The following CFAP299 variants were observed in gnomAD, a reference collection of about 807,000 sequenced individuals.
CFAP299 encodes cilia and flagella associated protein 299, also known as cilia- and flagella-associated protein 299.
Under a neutral mutation model 27.0 loss-of-function variants are expected in CFAP299, and 21 were observed. The ratio of observed to expected loss-of-function variants is 0.78; its 90% CI spans 0.55 to 1.12. The LOEUF (loss-of-function observed/expected upper bound fraction) is 1.12. Among genes scored for constraint, CFAP299 ranks in the 50% most tolerant of loss-of-function variants. CFAP299 has a pLI of 0.00. For missense variants in CFAP299, 310 were observed against 276.6 expected (o/e 1.12, Z -0.86); for synonymous variants, 104 against 98.1 (o/e 1.06, Z -0.36).
chr4:80,676,678 C>T (rs1026339430), intron 3 of CFAP299, among the ~76,000 whole-genome samples: 24 of 151,926 alleles, frequency 1.6e-4, no homozygotes, highest in Admixed American at 2.0e-4. Flanking sequence ...GATTCAATCT[C>T]GGTAGGTTTT....
intron 3 of CFAP299, among the ~76,000 whole-genome samples, chr4:80,845,589 C>T (rs1006623768): frequency 3.9e-5 from 6 of 152,210 alleles, no homozygotes; most frequent in African/African-American, 1.4e-4. Flanking sequence ...ATTCCCTTTG[C>T]CTGGAATGTT....
intron 4 of CFAP299, among the ~76,000 whole-genome samples, chr4:80,885,802 A>G (rs932082376): frequency 2.6e-5 from 4 of 152,150 alleles, no homozygotes; most frequent in Non-Finnish European, 4.4e-5. Flanking sequence ...TGTGGTGGCT[A>G]CTGTGAAAGA....
intron 3 of CFAP299, among the ~76,000 whole-genome samples, chr4:80,829,131 A>G (rs369485359): frequency 6.6e-6 from 1 of 152,062 alleles, no homozygotes; most frequent in East Asian, 1.9e-4. Context: ...TATCAAGAGT[A>G]AAGAGGCAAC....
At chr4:80,629,734 G>T (rs868842832) in intron 3 of CFAP299, among the ~76,000 whole-genome samples, 2 of 151,882 alleles carry the variant, frequency 1.3e-5, no homozygotes, top group Non-Finnish European at 2.9e-5. Context: ...ACAAAAATTA[G>T]CCAGGTATGA....
At chr4:80,654,490 T>C (rs76296362) in intron 3 of CFAP299, among the ~76,000 whole-genome samples, 2,613 of 152,288 alleles carry the variant, frequency 0.017, 50 homozygotes, top group Admixed American at 0.059. Flanking sequence ...TGAATGATTA[T>C]TTGAAGGCAA....
intron 1 of CFAP299, among the ~76,000 whole-genome samples, chr4:80,340,724 C>T (rs1250475782): frequency 6.6e-6 from 1 of 152,304 alleles, no homozygotes; most frequent in South Asian, 2.1e-4. Context: ...CCTCACCCCT[C>T]ACAATGCAGC....
intron 2 of CFAP299, among the ~76,000 whole-genome samples, chr4:80,371,576 C>A (rs1220698319): frequency 1.3e-5 from 2 of 152,188 alleles, no homozygotes; most frequent in Non-Finnish European, 2.9e-5. Context: ...CAGGACATAT[C>A]CTGAATGCTT....
chr4:80,960,482 A>G, intron 5 of CFAP299, among the ~76,000 whole-genome samples: 1 of 151,874 alleles, frequency 6.6e-6, no homozygotes, highest in East Asian at 1.9e-4. Flanking sequence ...CATAAGTGAA[A>G]GATTTTAGGG....
chr4:80,547,381 G>T (rs1734285360), intron 2 of CFAP299, among the ~76,000 whole-genome samples: 1 of 151,980 alleles, frequency 6.6e-6, no homozygotes, highest in Admixed American at 6.6e-5. Context: ...TTCAACTCAA[G>T]ATGAATTAAA....
At chr4:80,480,395 G>A (rs1730503695) in intron 2 of CFAP299, among the ~76,000 whole-genome samples, 1 of 151,914 alleles carries the variant, frequency 6.6e-6, no homozygotes, top group African/African-American at 2.4e-5. Context: ...GAAAAAGGAA[G>A]CAAAGCAAAT....
At chr4:80,406,452 A>G (rs185889426) in intron 2 of CFAP299, among the ~76,000 whole-genome samples, 412 of 152,266 alleles carry the variant, frequency 2.7e-3, no homozygotes, top group African/African-American at 9.7e-3. Context: ...TGCAGCCTCA[A>G]TCTTCAGCTG....
chr4:80,656,174 T>C (rs1740545225), intron 3 of CFAP299, among the ~76,000 whole-genome samples: 1 of 152,130 alleles, frequency 6.6e-6, no homozygotes, highest in Admixed American at 6.6e-5. Context: ...ATTGTTGCAG[T>C]TTTATACTAA....
intron 3 of CFAP299, among the ~76,000 whole-genome samples, chr4:80,788,326 G>GT (rs968794617): frequency 6.6e-6 from 1 of 151,966 alleles, no homozygotes; most frequent in African/African-American, 2.4e-5. Flanking sequence ...AAGCTTGGGA[G>GT]TTAAGCAGAA....
chr4:80,388,396 C>T, intron 2 of CFAP299: 1 of 707,492 alleles, frequency 1.4e-6, no homozygotes, highest in Non-Finnish European at 2.6e-6. Flanking sequence ...GCGAGGCCTG[C>T]TGGACCGCTG....
chr4:80,864,027 T>A (rs1578195932), intron 3 of CFAP299, among the ~76,000 whole-genome samples: 1 of 152,110 alleles, frequency 6.6e-6, no homozygotes, highest in East Asian at 1.9e-4. Flanking sequence ...GAGATAGGGA[T>A]GGCTACAAAT....
chr4:80,832,645 T>C (rs952071359), intron 3 of CFAP299, among the ~76,000 whole-genome samples: 1 of 152,166 alleles, frequency 6.6e-6, no homozygotes, highest in African/African-American at 2.4e-5. Flanking sequence ...TTTGACTGTT[T>C]AAGTGGATGT....
chr4:80,444,344 G>T (rs1330735770), intron 2 of CFAP299, among the ~76,000 whole-genome samples: 1 of 152,048 alleles, frequency 6.6e-6, no homozygotes, highest in Non-Finnish European at 1.5e-5. Flanking sequence ...TAGGCCAATG[G>T]AACAGAACAG....
At chr4:80,494,065 G>A (rs941036591) in intron 2 of CFAP299, among the ~76,000 whole-genome samples, 11 of 152,020 alleles carry the variant, frequency 7.2e-5, no homozygotes, top group African/African-American at 1.7e-4. Context: ...GTGAGCCACC[G>A]CGCCTGGCCT....
intron 1 of CFAP299, among the ~76,000 whole-genome samples, chr4:80,352,909 A>C (rs1723083883): frequency 6.6e-6 from 1 of 152,142 alleles, no homozygotes; most frequent in African/African-American, 2.4e-5. Flanking sequence ...TTGGATATAC[A>C]TAAAGGAATC....
Sources: allele counts gnomAD v4.1 joint callset (sites outside exome capture counted in the v4.1 genomes callset), GRCh38; gene constraint gnomAD v4.1.1; transcripts MANE v1.5; gene names NCBI Gene and HGNC (gene_info 2026-07-23, HGNC 2026-07-21).